The following RALGPS2 variants were observed in gnomAD, a reference collection of about 807,000 sequenced individuals.
The protein encoded by RALGPS2 is Ral GEF with PH domain and SH3 binding motif 2.
In RALGPS2, 43 loss-of-function variants were observed where a neutral mutation model predicts 86.8. The observed-to-expected ratio is 0.50, with a 90% CI of 0.39 to 0.64. The LOEUF (loss-of-function observed/expected upper bound fraction) is 0.64, where lower values mean the gene tolerates loss of function less well. Among genes scored for constraint, RALGPS2 ranks in the 30% least tolerant of loss-of-function variants. The pLI is 0.00. For missense variants in RALGPS2, 536 were observed against 694.6 expected (o/e 0.77, Z 2.57); for synonymous variants, 243 against 231.3 (o/e 1.05, Z -0.46).
intron 2 of RALGPS2, among the ~76,000 whole-genome samples, chr1:178,781,961 G>A (rs1653412166): frequency 6.6e-6 from 1 of 152,072 alleles, no homozygotes; most frequent in Admixed American, 6.6e-5. Context: ...TCATTCACTG[G>A]AATTCAGGTT....
rs370106815 is a variant in RALGPS2 at position 178,886,051 on chromosome 1, G to T, written c.1123G>T (p.Val375Phe). Residue 375 changes from valine (V) to phenylalanine (F), a missense_variant, in exon 13 of 20, where the codon GTC becomes TTC. Physicochemically the swap from Val to Phe is conservative, Grantham distance 50. This residue lies in a region of RALGPS2 where 309 missense variants were observed against 363.0 expected (regional missense o/e 0.85). Coordinates refer to ENST00000367635, the MANE Select transcript of RALGPS2 (RefSeq NM_152663.5). ...AGPRHLLDDS[V>F]MEPHAPSRGQ... is the part of the protein sequence containing the mutation. ...ACCAAGACATCTGTTAGATGATAGC[G>T]TCATGGAGCCCCATGCGCCATCTCG... 2 of 1,613,526 alleles carry T rather than the reference G, an allele frequency of 1.2e-6. No homozygotes were observed. The highest frequency in any genetic ancestry group is 1.7e-6 in the Non-Finnish European group (2 of 1,179,772).
At chr1:178,736,753 T>C (rs1172148143) in intron 1 of RALGPS2, among the ~76,000 whole-genome samples, 1 of 151,880 alleles carries the variant, frequency 6.6e-6, no homozygotes, top group African/African-American at 2.4e-5. Context: ...TGCAAAAAAT[T>C]AGCCAGGTAT....
intron 16 of RALGPS2, chr1:178,894,310 A>G: frequency 5.0e-6 from 1 of 200,174 alleles, no homozygotes; most frequent in Non-Finnish European, 1.0e-5. Context: ...CTAAGCACTT[A>G]AGCCCACACA....
intron 1 of RALGPS2, among the ~76,000 whole-genome samples, chr1:178,743,609 C>T (rs1217744349): frequency 2.0e-5 from 3 of 151,952 alleles, no homozygotes; most frequent in African/African-American, 7.3e-5. Context: ...GTGGCAACAT[C>T]GATAAAATTG....
chr1:178,900,806 A>T (rs565359212), intron 17 of RALGPS2, among the ~76,000 whole-genome samples: 1 of 152,154 alleles, frequency 6.6e-6, no homozygotes. Context: ...AGTGATGATT[A>T]TATCTGGGGA....
chr1:178,785,059 C>T (rs1434434317), intron 3 of RALGPS2, among the ~76,000 whole-genome samples: 1 of 151,858 alleles, frequency 6.6e-6, no homozygotes, highest in Non-Finnish European at 1.5e-5. Context: ...CATATTATTC[C>T]TTGATAGTGT....
chr1:178,739,238 C>T (rs1420433139), intron 1 of RALGPS2, among the ~76,000 whole-genome samples: 1 of 152,184 alleles, frequency 6.6e-6, no homozygotes, highest in African/African-American at 2.4e-5. Context: ...CTGCTTCTGA[C>T]TTGCTTATTT....
intron 9 of RALGPS2, among the ~76,000 whole-genome samples, chr1:178,878,136 G>A (rs950219161): frequency 6.6e-6 from 1 of 152,034 alleles, no homozygotes; most frequent in African/African-American, 2.4e-5. Context: ...TCAGACTATC[G>A]AGTAAATAGC....
intron 8 of RALGPS2, chr1:178,853,727 A>T (rs138431515): frequency 2.3e-5 from 37 of 1,609,022 alleles, no homozygotes; most frequent in Non-Finnish European, 2.5e-5. Context: ...AGGTTTAATC[A>T]TATAAATCCC....
At chr1:178,785,646 A>G in intron 4 of RALGPS2, 39 bp downstream of exon 4, 1 of 1,534,458 alleles carries the variant, frequency 6.5e-7, no homozygotes, top group Non-Finnish European at 8.7e-7. Context: ...AATATAGAAA[A>G]CGATCAATCT....
chr1:178,832,799 C>G (rs751148595), intron 7 of RALGPS2, among the ~76,000 whole-genome samples: 42 of 150,946 alleles, frequency 2.8e-4, no homozygotes, highest in Non-Finnish European at 5.3e-4. Context: ...TTTTCAACTC[C>G]CCTTGATTAT....
At chr1:178,770,071 C>CT (rs1652716399) in intron 1 of RALGPS2, among the ~76,000 whole-genome samples, 1 of 142,854 alleles carries the variant, frequency 7.0e-6, no homozygotes, top group Non-Finnish European at 1.5e-5. Context: ...GGCTGGAGTG[C>CT]TGTGGCATGA....
intron 8 of RALGPS2, among the ~76,000 whole-genome samples, chr1:178,858,802 T>C (rs1657762937): frequency 6.6e-6 from 1 of 152,204 alleles, no homozygotes. Flanking sequence ...ACACTTTGAA[T>C]AGCAGCTTTA....
chr1:178,838,547 A>G (rs1384520666), intron 8 of RALGPS2, among the ~76,000 whole-genome samples: 1 of 152,220 alleles, frequency 6.6e-6, no homozygotes, highest in African/African-American at 2.4e-5. Flanking sequence ...GACCAAAGGT[A>G]GATAAAACCA....
At chr1:178,878,873 C>T in intron 9 of RALGPS2, 29 bp from the exon 10 acceptor site, 1 of 1,605,812 alleles carries the variant, frequency 6.2e-7, no homozygotes, top group Non-Finnish European at 8.5e-7. Context: ...TGTACTTTAT[C>T]AGATAATTAT....
At chr1:178,837,445 G>C (rs1656334750) in intron 8 of RALGPS2, among the ~76,000 whole-genome samples, 1 of 152,088 alleles carries the variant, frequency 6.6e-6, no homozygotes, top group Admixed American at 6.5e-5. Flanking sequence ...ACTACAGCCT[G>C]GTGTTTTAAT....
At chr1:178,858,648 A>G (rs1363069841) in intron 8 of RALGPS2, among the ~76,000 whole-genome samples, 1 of 152,240 alleles carries the variant, frequency 6.6e-6, no homozygotes, top group Admixed American at 6.5e-5. Context: ...TAAAGTTTAC[A>G]TAGGGCTAAT....
chr1:178,891,263 A>G (rs987785597), intron 14 of RALGPS2, among the ~76,000 whole-genome samples: 1 of 152,142 alleles, frequency 6.6e-6, no homozygotes, highest in African/African-American at 2.4e-5. Context: ...CATTTTGAGA[A>G]CAGTGAAATG....
chr1:178,806,654 T>C (rs1208340693), intron 4 of RALGPS2, among the ~76,000 whole-genome samples: 1 of 152,170 alleles, frequency 6.6e-6, no homozygotes, highest in Non-Finnish European at 1.5e-5. Flanking sequence ...TCTTTTTATA[T>C]ATCCTCCTGT....
Sources: gnomAD v4.1 joint callset for allele counts (sites outside exome capture counted in the v4.1 genomes callset) on GRCh38, gnomAD v4.1.1 for gene constraint, gnomAD v4.1.1 regional missense constraint, MANE v1.5 for transcripts, NCBI Gene and HGNC (gene_info 2026-07-23, HGNC 2026-07-21) for gene names.